POU5F1B: variants seen among roughly 807,000 people sequenced by gnomAD.
POU5F1B encodes the protein POU domain, class 5, transcription factor 1B.
A neutral mutation model predicts 28.1 loss-of-function variants in POU5F1B; 24 were observed. That is an observed-to-expected ratio of 0.85 (90% CI 0.62 to 1.20). The LOEUF is 1.20. Among genes scored for constraint, POU5F1B ranks in the 50% most tolerant of loss-of-function variants. The pLI is 0.00. For missense variants in POU5F1B, 451 were observed against 451.5 expected (o/e 1.00, Z 0.01); for synonymous variants, 220 against 193.2 (o/e 1.14, Z -1.15).
chr8:127,416,625 G>T (rs1306325038), exon 3 of POU5F1B: 1 of 1,598,630 alleles, frequency 6.3e-7, no homozygotes, highest in East Asian at 2.3e-5. Context: ...TGCAGTGCCC[G>T]AAACCCACAC....
At chr8:127,414,163 G>T (rs958817331) in intron 1 of POU5F1B, among the ~76,000 whole-genome samples, 1 of 152,198 alleles carries the variant, frequency 6.6e-6, no homozygotes, top group African/African-American at 2.4e-5. Context: ...ATAAGCATGA[G>T]AATTTGAGCA....
chr8:127,416,290 C>T, exon 3 of POU5F1B: 1 of 1,613,864 alleles, frequency 6.2e-7, no homozygotes, highest in Non-Finnish European at 8.5e-7. Flanking sequence ...CATCAAAGCT[C>T]TGCAGAAAGA....
chr8:127,416,312 T>C (rs1227040792), exon 3 of POU5F1B: 5 of 1,613,498 alleles, frequency 3.1e-6, no homozygotes, highest in African/African-American at 1.3e-5. Context: ...CTCGAGCAAT[T>C]TGCCAAGCTC....
rs1368197172 is a variant in POU5F1B at position 127,416,930 on chromosome 8, C to G, written c.1064C>G (p.Pro355Arg). Residue 355 changes from proline to arginine, a missense_variant, in exon 3 of 3, where the codon CCC (proline) becomes CGC (arginine). By Grantham distance (103) the Pro-to-Arg change is moderately radical. This residue lies in a region of POU5F1B where 213 missense variants were observed against 220.4 expected (regional missense o/e 0.97). Transcript: ENST00000465342. Reference sequence around the variant, plus strand: ...GTCTCCGTCATCACTCTGGGCTCTCCCATGCATTCAAACTGAGGTGCCTGC... The same window carrying G: ...GTCTCCGTCATCACTCTGGGCTCTCGCATGCATTCAAACTGAGGTGCCTGC... 5 of 1,601,322 alleles carry G rather than the reference C, an allele frequency of 3.1e-6. No individual in the cohort carries two copies. The African/African-American group carries it at 5.3e-5, about 17-fold the overall frequency.
At chr8:127,414,720 C>G (rs910352164) in intron 1 of POU5F1B, among the ~76,000 whole-genome samples, 1 of 152,186 alleles carries the variant, frequency 6.6e-6, no homozygotes, top group African/African-American at 2.4e-5. Flanking sequence ...TTACAATATG[C>G]CCACCAATTA....
rs764371674 is a variant in POU5F1B, at chr8:127,416,177, A to G, written c.311A>G (p.Glu104Gly). 5 of 1,613,844 alleles carry G rather than the reference A, an allele frequency of 3.1e-6. No individual in the cohort carries two copies. The South Asian group carries it at 5.5e-5, about 18-fold the overall frequency. ...GAGAGCGAAGCAGGAGTCGGGGTGG[A>G]GAGCAACTCCAATGGGGCCTCCCCG... Residue 104 changes from glutamate (E) to glycine (G), a missense_variant, in exon 3 of 3, where the codon GAG becomes GGG. Transcript: ENST00000465342.
exon 3 of POU5F1B, chr8:127,415,790 G>GGTCA (rs1289064971): frequency 6.9e-7 from 1 of 1,455,004 alleles, no homozygotes; most frequent in East Asian, 2.5e-5. Flanking sequence ...ACAGCCATAC[G>GGTCA]GTCACAGAGC....
intron 1 of POU5F1B, among the ~76,000 whole-genome samples, chr8:127,413,702 G>GCC (rs1414708652): frequency 6.6e-6 from 1 of 152,186 alleles, no homozygotes; most frequent in Admixed American, 6.5e-5. Context: ...AATCTAGGTA[G>GCC]CTATACTTAC....
At chr8:127,413,879 C>CACACACAA (rs1455390998) in intron 1 of POU5F1B, among the ~76,000 whole-genome samples, 1 of 151,572 alleles carries the variant, frequency 6.6e-6, no homozygotes, top group Non-Finnish European at 1.5e-5. Context: ...CACACACACA[C>CACACACAA]AACACCCGAT....
At chr8:127,415,692 A>G in exon 3 of POU5F1B, 1 of 1,041,900 alleles carries the variant, frequency 9.6e-7, no homozygotes, top group Non-Finnish European at 1.3e-6. Flanking sequence ...ATTTAAAGAG[A>G]TTACTTTTGA....
exon 3 of POU5F1B, chr8:127,416,473 T>C: frequency 1.2e-6 from 2 of 1,609,778 alleles, no homozygotes; most frequent in Admixed American, 1.7e-5. Context: ...GCTGCGGCCC[T>C]TGCTGCAGAA....
Position 127,416,315 on chromosome 8 carries a change from C to G in POU5F1B, c.449C>G (p.Ala150Gly), listed in dbSNP as rs774674067. 3.1e-5 allele frequency: 50 copies of G among 1,613,504 alleles called. No homozygotes were observed. The highest frequency in any genetic ancestry group is 4.0e-5 in the Non-Finnish European group (47 of 1,179,722). The change falls in exon 3 of 3, where the codon GCC becomes GGC. Residue 150 changes from alanine (A) to glycine (G), a missense_variant. Around this residue, in one of 3 missense-constraint regions of POU5F1B, gnomAD observed 233 missense variants for 210.7 expected, o/e 1.11. Coordinates refer to ENST00000465342, the Ensembl canonical transcript of POU5F1B. Reference sequence around the variant, plus strand: ...CTGCAGAAAGAACTCGAGCAATTTGCCAAGCTCCTGAAGCAGAAGAGGATC... The same window carrying G: ...CTGCAGAAAGAACTCGAGCAATTTGGCAAGCTCCTGAAGCAGAAGAGGATC...
At chr8:127,414,768 C>T (rs1053515621) in intron 1 of POU5F1B, 3 of 152,210 alleles carry the variant, frequency 2.0e-5, no homozygotes, top group Non-Finnish European at 2.9e-5. Context: ...AGGCTAATTA[C>T]CCTCCTACAG....
intron 2 of POU5F1B, chr8:127,415,352 A>C (rs966446670): frequency 6.5e-6 from 1 of 153,896 alleles, no homozygotes; most frequent in Non-Finnish European, 1.4e-5. Flanking sequence ...CTTGTCACCA[A>C]CTATAAAGAA....
Position 127,416,222 on chromosome 8 carries a change from CT to C in POU5F1B, c.357del (p.Gly120ValfsTer3), listed in dbSNP as rs764149088. On this transcript the variant is annotated frameshift_variant, in exon 3 of 3. Transcript: ENST00000465342. LOFTEE classifies it high-confidence loss of function. ...TCCCCGGAACCCTGCACCGTCCCCC[CT>C]GGTGCCGTGAAGCTGGAGAAGGAGA... 6.8e-6 allele frequency: 11 copies of C among 1,613,878 alleles called. No homozygotes were observed. The Middle Eastern group carries it at 6.6e-4, about 97-fold the overall frequency.
In POU5F1B at chr8:127,416,898, TC is replaced by T. The variant is rs2130629113; in HGVS notation, c.1037del (p.Pro346GlnfsTer72). Reference sequence around the variant, plus strand: ...TCCCTTTCCCTGAGGGGGAAGTCTTTCCCCCAGTCTCCGTCATCACTCTGGG... The same window carrying T: ...TCCCTTTCCCTGAGGGGGAAGTCTTTCCCCAGTCTCCGTCATCACTCTGGG... On this transcript the variant is annotated frameshift_variant, in exon 3 of 3. Coordinates refer to ENST00000465342, the Ensembl canonical transcript of POU5F1B. LOFTEE classifies it high-confidence loss of function. 3 of 1,599,818 alleles carry T rather than the reference TC, an allele frequency of 1.9e-6. No homozygotes were observed. Among genetic ancestry groups the T allele is most frequent in the Non-Finnish European group, 2.6e-6 (3 of 1,172,722 alleles).
chr8:127,415,799 G>A (rs1815121490), exon 3 of POU5F1B: 4 of 1,460,490 alleles, frequency 2.7e-6, no homozygotes, highest in Non-Finnish European at 3.6e-6. Context: ...CGGTCACAGA[G>A]CTTTCAATGA....
intron 1 of POU5F1B, among the ~76,000 whole-genome samples, chr8:127,413,674 A>G (rs141939621): frequency 6.6e-6 from 1 of 152,352 alleles, no homozygotes; most frequent in Non-Finnish European, 1.5e-5. Context: ...CATCACCTCA[A>G]ACGATTTTCA....
chr8:127,414,738 G>A (rs535505385), intron 1 of POU5F1B: 1 of 152,316 alleles, frequency 6.6e-6, no homozygotes, highest in South Asian at 2.1e-4. Flanking sequence ...TTATTTGATA[G>A]TCCTCCTGCC....
Sources: allele counts gnomAD v4.1 joint callset (sites outside exome capture counted in the v4.1 genomes callset), GRCh38; gene constraint gnomAD v4.1.1; regional missense constraint gnomAD v4.1.1; transcripts MANE v1.5; gene names NCBI Gene and HGNC (gene_info 2026-07-23, HGNC 2026-07-21).